ZNF682: variants seen among roughly 807,000 people sequenced by gnomAD.
The protein encoded by ZNF682 is zinc finger protein 682.
ZNF682 carries 29 observed loss-of-function variants against 36.5 expected under a neutral mutation model. That is an observed-to-expected ratio of 0.80 (90% CI 0.59 to 1.08). ZNF682 has a LOEUF of 1.08. Among genes scored for constraint, ZNF682 ranks in the 50% least tolerant of loss-of-function variants. The pLI, the probability that ZNF682 is intolerant of heterozygous loss-of-function variation, is 0.00. For missense variants in ZNF682, 561 were observed against 579.7 expected, an observed-to-expected ratio of 0.97 and a Z score of 0.33; for synonymous variants, 180 against 197.0, an observed-to-expected ratio of 0.91 and a Z score of 0.72.
intron 3 of ZNF682, among the ~76,000 whole-genome samples, chr19:20,018,155 G>A (rs997961579): frequency 8.2e-6 from 1 of 122,184 alleles, no homozygotes; most frequent in Non-Finnish European, 1.6e-5. Context: ...GTGCAGTGGC[G>A]GGATCTCGGC....
chr19:20,027,893 C>A (rs543794018), intron 1 of ZNF682, among the ~76,000 whole-genome samples: 1 of 152,018 alleles, frequency 6.6e-6, no homozygotes, highest in African/African-American at 2.4e-5. Flanking sequence ...CAGCCTGGGG[C>A]CTGGGTGACG....
chr19:20,018,051 C>T (rs1444085471), intron 3 of ZNF682, among the ~76,000 whole-genome samples: 6 of 116,772 alleles, frequency 5.1e-5, no homozygotes, highest in African/African-American at 1.6e-4. Context: ...TTTTTTTTTG[C>T]AGAAATATAG....
chr19:20,024,298 A>G lies in ZNF682; in HGVS notation c.82T>C (p.Leu28=). ...WEFLNPAQQS[L]YRKVMLENYR... is the part of the protein sequence containing the mutation. ...TTCTCTAGCATCACTTTCCTATACA[A>G]ACTCTGCTGAGCAGGGTTCAGAAAC... The change falls in exon 2 of 4, where the codon TTG becomes CTG. Residue 28 remains leucine (L), a synonymous_variant. Coordinates refer to ENST00000397165, the MANE Select transcript of ZNF682 (RefSeq NM_033196.3). 6.2e-7 allele frequency: 1 copy of G among 1,614,148 alleles called. No individual in the cohort carries two copies. Among genetic ancestry groups the G allele is most frequent in the Non-Finnish European group, 8.5e-7 (1 of 1,179,992 alleles).
chr19:20,036,848 G>A (rs1415996288), intron 1 of ZNF682, among the ~76,000 whole-genome samples: 1 of 149,790 alleles, frequency 6.7e-6, no homozygotes, highest in Non-Finnish European at 1.5e-5. Flanking sequence ...AGCTAGGCAA[G>A]TTGGTGCATG....
chr19:19,999,804 G>A (rs567456160), downstream of ZNF682, among the ~76,000 whole-genome samples: 2 of 151,800 alleles, frequency 1.3e-5, no homozygotes, highest in African/African-American at 4.8e-5. Context: ...CAATTGCTGG[G>A]GTTACAGGCT....
At chr19:19,996,330 G>C (rs2088128786), downstream of ZNF682, among the ~76,000 whole-genome samples, 1 of 152,126 alleles carries the variant, frequency 6.6e-6, no homozygotes, top group African/African-American at 2.4e-5. Context: ...TCTCAGTAAT[G>C]GCTATCTCCC....
chr19:20,006,500 G>T lies in ZNF682; in HGVS notation c.1002C>A (p.Thr334=). 1 of 1,612,736 alleles carries T rather than the reference G, an allele frequency of 6.2e-7. No individual in the cohort carries two copies. The highest frequency in any genetic ancestry group is 1.1e-5 in the South Asian group (1 of 90,990). ...ATTTATAGGGTTTCTCTCCCGTATGGGTTCTCTCATGTATAGTAAGTAGTG... is the reference window on the plus strand; with the variant it reads ...ATTTATAGGGTTTCTCTCCCGTATGTGTTCTCTCATGTATAGTAAGTAGTG... ...HCSLLTIHER[T]HTGEKPYKCE... The change falls in exon 4 of 4, where the codon ACC becomes ACA. Residue 334 remains threonine (T), a synonymous_variant. Coordinates refer to ENST00000397165, the MANE Select transcript of ZNF682 (RefSeq NM_033196.3).
At chr19:20,000,842 G>A (rs796913051), downstream of ZNF682, among the ~76,000 whole-genome samples, 1 of 152,162 alleles carries the variant, frequency 6.6e-6, no homozygotes, top group Non-Finnish European at 1.5e-5. Flanking sequence ...TCAGATTAAT[G>A]AGGAGCTGTT....
At chr19:20,003,888 T>C (rs1248431996), downstream of ZNF682, among the ~76,000 whole-genome samples, 2 of 152,246 alleles carry the variant, frequency 1.3e-5, no homozygotes, top group African/African-American at 2.4e-5. Flanking sequence ...TAGTAACTTA[T>C]CAACACTTTA....
chr19:20,024,464 G>A (rs752816303), intron 1 of ZNF682, 88 bp from the exon 2 acceptor site: 3 of 1,404,666 alleles, frequency 2.1e-6, no homozygotes, highest in Non-Finnish European at 2.9e-6. Flanking sequence ...TGTGACTTAT[G>A]AGAGTTACTG....
At chr19:20,003,596 T>C (rs1292635220), downstream of ZNF682, among the ~76,000 whole-genome samples, 2 of 150,962 alleles carry the variant, frequency 1.3e-5, no homozygotes, top group Non-Finnish European at 2.9e-5. Context: ...TCCCAGCTAC[T>C]GGGGAGGCTG....
Position 20,006,395 on chromosome 19 carries a change from G to C in ZNF682, c.1107C>G (p.Tyr369Ter), listed in dbSNP as rs1235331240. The C allele has an allele frequency of 6.2e-7, 1 of 1,613,200 alleles. No individual in the cohort carries two copies. Among genetic ancestry groups the C allele is most frequent in the East Asian group, 2.2e-5 (1 of 44,838 alleles). Residue 369 changes from tyrosine (Y) to a stop codon, truncating the protein, a stop_gained, in exon 4 of 4, where the codon TAC (tyrosine) becomes TAG (stop). Coordinates refer to ENST00000397165, the MANE Select transcript of ZNF682 (RefSeq NM_033196.3). LOFTEE classifies it high-confidence loss of function. ...AGACTTTGTCACATTTTTCACATTT[G>C]TAGGGTTTCTCTCCGCTATGAATTA... is the stretch of plus-strand genomic sequence containing the variant. ...HKVIHSGEKP[Y>*]KCEKCDKVFK...
chr19:19,998,822 T>A (rs1408879567), intron 3 of ZNF682, among the ~76,000 whole-genome samples: 1 of 151,944 alleles, frequency 6.6e-6, no homozygotes, highest in African/African-American at 2.4e-5. Flanking sequence ...AGGAATACAG[T>A]ACAGAAATAG....
At chr19:20,036,843 G>T (rs185020483) in intron 1 of ZNF682, among the ~76,000 whole-genome samples, 2 of 147,076 alleles carry the variant, frequency 1.4e-5, no homozygotes, top group African/African-American at 2.5e-5. Flanking sequence ...AAATTAGCTA[G>T]GCAAGTTGGT....
chr19:20,007,433 T>A, intron 3 of ZNF682, 158 bp from the exon 4 acceptor site: 1 of 623,972 alleles, frequency 1.6e-6, no homozygotes, highest in Non-Finnish European at 2.7e-6. Context: ...AAATGTTGAG[T>A]AAAACATCAT....
In ZNF682 at chr19:20,024,279, A is replaced by G; in HGVS notation, c.101T>C (p.Leu34Pro). 6.2e-7 allele frequency: 1 copy of G among 1,614,092 alleles called. No homozygotes were observed. The highest frequency in any genetic ancestry group is 8.5e-7 in the Non-Finnish European group (1 of 1,179,964). Residue 34 changes from leucine to proline, a missense_variant, in exon 2 of 4, where the codon CTA becomes CCA. By Grantham distance (98) the Leu-to-Pro change is moderately conservative (BLOSUM62 -3). Transcript: ENST00000397165. ...AGAGACCAGGTTTCTGTAGTTCTCT[A>G]GCATCACTTTCCTATACAAACTCTG... is the stretch of plus-strand genomic sequence containing the variant. The part of the protein sequence containing the change: ...AQQSLYRKVM[L>P]ENYRNLVSLG...
chr19:20,035,924 C>T (rs908838606), intron 1 of ZNF682, among the ~76,000 whole-genome samples: 6 of 152,002 alleles, frequency 3.9e-5, no homozygotes, highest in Non-Finnish European at 5.9e-5. Flanking sequence ...TTAGTAGAAA[C>T]GAAGTCTCAC....
At chr19:20,018,041 T>A (rs531060347) in intron 3 of ZNF682, among the ~76,000 whole-genome samples, 47 of 151,870 alleles carry the variant, frequency 3.1e-4, no homozygotes, top group African/African-American at 9.4e-4. Context: ...GTTTTTATTT[T>A]TTTTTTTTGC....
intron 1 of ZNF682, 100 bp downstream of exon 1, chr19:20,039,243 G>A (rs1187428752): frequency 2.6e-6 from 4 of 1,568,192 alleles, no homozygotes; most frequent in South Asian, 1.2e-5. Flanking sequence ...CGCAGACTCC[G>A]GAGCTGACAG....
Sources: gnomAD v4.1 joint callset for allele counts (sites outside exome capture counted in the v4.1 genomes callset) on GRCh38, gnomAD v4.1.1 for gene constraint, MANE v1.5 for transcripts, NCBI Gene and HGNC (gene_info 2026-07-23, HGNC 2026-07-21) for gene names.